Variants in DACH2 observed in about 807,000 individuals in gnomAD.
DACH2 encodes the protein dachshund family transcription factor 2.
Under a neutral mutation model 35.8 loss-of-function variants are expected in DACH2, and 17 were observed. The ratio of observed to expected loss-of-function variants is 0.48; its 90% CI spans 0.33 to 0.71. The LOEUF is 0.71. Among genes scored for constraint, DACH2 ranks in the 30% least tolerant of loss-of-function variants. The pLI is 0.02. For missense variants in DACH2, 469 were observed against 472.7 expected (o/e 0.99, Z 0.07); for synonymous variants, 195 against 177.3 (o/e 1.10, Z -0.79).
intron 11 of DACH2, 77 bp downstream of exon 11, chrX:86,816,176 A>T: frequency 1.6e-6 from 1 of 619,622 alleles, no homozygotes; most frequent in Admixed American, 3.7e-5. Context: ...TGAGGTGGGG[A>T]TGAGCTTCTG....
rs56729275 is a variant in DACH2 at position 86,556,828 on chromosome X, AG to A, written c.640+42438del. On this transcript the variant is annotated intron_variant, in intron 3 of 11. Coordinates refer to ENST00000373125, the MANE Select transcript of DACH2 (RefSeq NM_053281.3). ...GAGAGAGAGAGAGAGAGAGAGAGAG[AG>A]AAGAAGAAATGTACTACGGGAATTT... Among the ~76,000 whole-genome samples, 185 of 84,131 alleles carry A rather than the reference AG, an allele frequency of 2.2e-3. 9 individuals carry two copies. Among genetic ancestry groups the A allele is most frequent in the Middle Eastern group, 7.2e-3 (1 of 139 alleles). The allele number at this position is 84,131 out of a possible 115,157, so 73.1% of individuals were successfully genotyped here.
At position 86,148,929 on chromosome X, in the gene DACH2, G is replaced by A; in HGVS notation, c.309G>A (p.Val103=). 1 of 1,211,057 alleles carries A rather than the reference G, an allele frequency of 8.3e-7. No individual in the cohort carries two copies. Among genetic ancestry groups the A allele is most frequent in the Non-Finnish European group, 1.1e-6 (1 of 895,448 alleles). ...TTGATCTTTTTCTCAAGCACCTGGTGGGAGGCTTGCACACTGTGTACACCA... is the reference window on the plus strand; with the variant it reads ...TTGATCTTTTTCTCAAGCACCTGGTAGGAGGCTTGCACACTGTGTACACCA... The part of the protein sequence containing the change: ...QVFDLFLKHL[V]GGLHTVYTKL... Residue 103 remains valine (V), a synonymous_variant, in exon 1 of 12, where the codon GTG becomes GTA. Transcript: ENST00000373125.
Position 86,832,187 on chromosome X carries a change from T to C in DACH2, c.*32T>C. 2 of 1,077,150 alleles carry C rather than the reference T, an allele frequency of 1.9e-6. No individual in the cohort carries two copies. Among genetic ancestry groups the C allele is most frequent in the Non-Finnish European group, 2.6e-6 (2 of 777,878 alleles). The allele number at this position is 1,077,150 out of a possible 1,213,427, so 88.8% of individuals were successfully genotyped here. On this transcript the variant is annotated 3_prime_UTR_variant, in exon 12 of 12. Transcript: ENST00000373125. Reference sequence around the variant, plus strand: ...CTCGCTGGCTTTACATAAATGAAGATGCTTGTGATTCCAGTTTATCTCTGA... The same window carrying C: ...CTCGCTGGCTTTACATAAATGAAGACGCTTGTGATTCCAGTTTATCTCTGA...
chrX:86,743,751 C>A (rs1057302247), intron 7 of DACH2, among the ~76,000 whole-genome samples: 1 of 110,778 alleles, frequency 9.0e-6, no homozygotes, highest in African/African-American at 3.3e-5. Context: ...AAGGCTATAC[C>A]CTCTGGGGCT....
chrX:86,597,531 C>A (rs1021892095), intron 3 of DACH2, among the ~76,000 whole-genome samples: 36 of 111,305 alleles, frequency 3.2e-4, no homozygotes, highest in African/African-American at 1.2e-3. Context: ...ATATACTTTG[C>A]TTGATTTAAA....
chrX:86,823,988 T>C (rs1302951313), intron 11 of DACH2, among the ~76,000 whole-genome samples: 1 of 111,894 alleles, frequency 8.9e-6, no homozygotes, highest in Admixed American at 9.5e-5. Flanking sequence ...GCAGAATTAC[T>C]GATAAGCGTA....
At chrX:86,365,281 G>T (rs79170091) in intron 1 of DACH2, among the ~76,000 whole-genome samples, 1,903 of 109,442 alleles carry the variant, frequency 0.017, 17 homozygotes, top group Middle Eastern at 0.028. Flanking sequence ...CCACCAAGGG[G>T]AAATTATTCT....
chrX:86,462,925 G>A (rs2037600900), intron 2 of DACH2, among the ~76,000 whole-genome samples: 1 of 111,410 alleles, frequency 9.0e-6, no homozygotes, highest in Non-Finnish European at 1.9e-5. Flanking sequence ...CTAAGTTATA[G>A]CAAGGTCTCT....
At chrX:86,168,854 T>G (rs2031032333) in intron 1 of DACH2, among the ~76,000 whole-genome samples, 1 of 111,382 alleles carries the variant, frequency 9.0e-6, no homozygotes, top group Non-Finnish European at 1.9e-5. Context: ...TTGTACTGAC[T>G]ATGTCTTGAA....
In DACH2 at chrX:86,562,103, T is replaced by C. The variant is rs12012607; in HGVS notation, c.640+47712T>C. On this transcript the variant is annotated intron_variant, in intron 3 of 11. Coordinates refer to ENST00000373125, the MANE Select transcript of DACH2 (RefSeq NM_053281.3). Reference sequence around the variant, plus strand: ...CAACACATACTTCTTTTTTTATTCATTTTTTGATATTTGGGAGCAAGATGA... The same window carrying C: ...CAACACATACTTCTTTTTTTATTCACTTTTTGATATTTGGGAGCAAGATGA... Among the ~76,000 whole-genome samples the C allele has an allele frequency of 7.6e-3, 836 of 110,129 alleles. 11 individuals carry two copies. Among genetic ancestry groups the C allele is most frequent in the African/African-American group, 0.026 (803 of 30,355 alleles).
intron 3 of DACH2, among the ~76,000 whole-genome samples, chrX:86,582,402 A>T (rs1487901099): frequency 9.0e-6 from 1 of 111,549 alleles, no homozygotes; most frequent in Non-Finnish European, 1.9e-5. Flanking sequence ...AAAAAATAAA[A>T]AAGAGCAATG....
chrX:86,444,204 G>GC (rs1224207614), intron 2 of DACH2, among the ~76,000 whole-genome samples: 1 of 111,367 alleles, frequency 9.0e-6, no homozygotes, highest in Non-Finnish European at 1.9e-5. Context: ...ACTCTCATCA[G>GC]CCTCCTAAAT....
chrX:86,163,400 A>G (rs758367372), intron 1 of DACH2, among the ~76,000 whole-genome samples: 14 of 110,957 alleles, frequency 1.3e-4, no homozygotes, highest in Non-Finnish European at 2.1e-4. Context: ...TATGGCTAAT[A>G]GTACTCCGTT....
chrX:86,521,136 T>C (rs1208562172), intron 3 of DACH2, among the ~76,000 whole-genome samples: 2 of 111,656 alleles, frequency 1.8e-5, no homozygotes, highest in African/African-American at 6.5e-5. Context: ...CTGAACAGGA[T>C]CTTATTTCTC....
intron 1 of DACH2, among the ~76,000 whole-genome samples, chrX:86,286,343 G>T (rs1269134521): frequency 9.1e-6 from 1 of 109,516 alleles, no homozygotes; most frequent in African/African-American, 3.3e-5. Flanking sequence ...TGTTAGCCAG[G>T]TTGGTCTAGA....
At chrX:86,438,489 G>A (rs948081547) in intron 2 of DACH2, among the ~76,000 whole-genome samples, 1 of 111,163 alleles carries the variant, frequency 9.0e-6, no homozygotes, top group Non-Finnish European at 1.9e-5. Flanking sequence ...ACCTCCCAAA[G>A]TTCTGGAATT....
intron 1 of DACH2, among the ~76,000 whole-genome samples, chrX:86,286,270 G>A (rs1184985047): frequency 1.9e-5 from 2 of 105,728 alleles, no homozygotes; most frequent in Admixed American, 1.0e-4. Context: ...TGGGACTACA[G>A]GCGCCCGCCA....
chrX:86,175,152 A>G (rs1028833126), intron 1 of DACH2, among the ~76,000 whole-genome samples: 1 of 111,989 alleles, frequency 8.9e-6, no homozygotes, highest in African/African-American at 3.2e-5. Flanking sequence ...TAAAGAGATC[A>G]GAGAGAAGAG....
At chrX:86,277,808 C>T (rs1207976770) in intron 1 of DACH2, among the ~76,000 whole-genome samples, 1 of 111,926 alleles carries the variant, frequency 8.9e-6, no homozygotes. Flanking sequence ...ACTCAACGTC[C>T]ACCATTCTAT....
Sources: allele counts gnomAD v4.1 joint callset (sites outside exome capture counted in the v4.1 genomes callset), GRCh38; gene constraint gnomAD v4.1.1; transcripts MANE v1.5; gene names NCBI Gene and HGNC (gene_info 2026-07-23, HGNC 2026-07-21).